PLCXD1: variants seen among roughly 807,000 people sequenced by gnomAD.
The protein encoded by PLCXD1 is phosphatidylinositol specific phospholipase C X domain containing 1.
In PLCXD1, 45 loss-of-function variants were observed where a neutral mutation model predicts 37.8. The observed-to-expected ratio is 1.19, with a 90% CI of 0.94 to 1.53. PLCXD1 has a LOEUF of 1.53. Among genes scored for constraint, PLCXD1 ranks in the 40% most tolerant of loss-of-function variants. The pLI is 0.00. For synonymous variants in PLCXD1, 246 were observed against 206.9 expected (o/e 1.19, Z -1.62); for missense variants, 539 against 454.7 (o/e 1.19, Z -1.69).
At chrX:288,377 G>A (rs2069522731) in intron 2 of PLCXD1, among the ~76,000 whole-genome samples, 1 of 151,430 alleles carries the variant, frequency 6.6e-6, no homozygotes. Context: ...CCCTGGGCTT[G>A]TGGCCGCATC....
chrX:279,338 C>T (rs970230175), upstream of PLCXD1, among the ~76,000 whole-genome samples: 38 of 152,188 alleles, frequency 2.5e-4, no homozygotes, highest in Non-Finnish European at 2.4e-4. Flanking sequence ...GTGCAAGTCA[C>T]AGGGGTGATA....
intron 4 of PLCXD1, among the ~76,000 whole-genome samples, 169 bp downstream of exon 4, chrX:290,945 G>A (rs752010038): frequency 9.3e-6 from 1 of 107,982 alleles, no homozygotes; most frequent in African/African-American, 3.6e-5. Flanking sequence ...AGCGGGAGGC[G>A]GCCGGGCGCT....
At chrX:292,716 G>A (rs2069675664) in intron 5 of PLCXD1, among the ~76,000 whole-genome samples, 1 of 151,906 alleles carries the variant, frequency 6.6e-6, no homozygotes, top group Admixed American at 6.6e-5. Context: ...AGGTTCAAAC[G>A]ATTCTCCTAC....
chrX:293,299 G>A (rs2069698989), intron 6 of PLCXD1, 81 bp downstream of exon 6: 2 of 1,060,566 alleles, frequency 1.9e-6, no homozygotes, highest in Admixed American at 4.3e-5. Context: ...ACATGGACTT[G>A]CCTTCACTTT....
At chrX:280,381 G>T (rs2069240649), upstream of PLCXD1, among the ~76,000 whole-genome samples, 2 of 68,104 alleles carry the variant, frequency 2.9e-5, no homozygotes, top group East Asian at 4.3e-4. Flanking sequence ...GGGAAGGGAG[G>T]CCGTGCAGGG....
intron 3 of PLCXD1, among the ~76,000 whole-genome samples, chrX:289,382 C>T (rs1384759119): frequency 5.9e-5 from 9 of 151,950 alleles, no homozygotes; most frequent in Non-Finnish European, 8.8e-5. Flanking sequence ...CCACCGCGCC[C>T]GGCCCAGCAT....
At position 294,961 on chromosome X, in the gene PLCXD1, A is replaced by G. The variant is rs779593696; in HGVS notation, c.733+1743A>G. Reference sequence around the variant, plus strand: ...GAGGCCGAGGCAGGTGGATTAATTGAGATCAGGAGTTTGCGACCAGTCTGG... The same window carrying G: ...GAGGCCGAGGCAGGTGGATTAATTGGGATCAGGAGTTTGCGACCAGTCTGG... On this transcript the variant is annotated intron_variant, in intron 6 of 6. Transcript: ENST00000381657. Among the ~76,000 whole-genome samples the G allele has an allele frequency of 1.1e-3, 171 of 152,164 alleles. 1 individual carries two copies. The highest frequency in any genetic ancestry group is 1.4e-3 in the Non-Finnish European group (92 of 67,990).
At position 302,890 on chromosome X, in the gene PLCXD1, CAT is replaced by C. The variant is rs1284389642; in HGVS notation, c.*3556_*3557del. ...CGCCCGGCCTATACCTCATTTTCTACATGTCGCTTGTTGGAGCTGCTGGTTCA... is the reference window on the plus strand; with the variant it reads ...CGCCCGGCCTATACCTCATTTTCTACGTCGCTTGTTGGAGCTGCTGGTTCA... On this transcript the variant is annotated 3_prime_UTR_variant, in exon 7 of 7. Coordinates refer to ENST00000381657, the MANE Select transcript of PLCXD1 (RefSeq NM_018390.4). 1 of 152,104 alleles carries C rather than the reference CAT, an allele frequency of 6.6e-6. No homozygotes were observed. Among genetic ancestry groups the C allele is most frequent in the Non-Finnish European group, 1.5e-5 (1 of 68,018 alleles). The allele number at this position is 152,104 out of a possible 1,614,324, so 9.4% of individuals were successfully genotyped here.
At chrX:282,463 G>T (rs1307199714) in intron 1 of PLCXD1, among the ~76,000 whole-genome samples, 3 of 151,924 alleles carry the variant, frequency 2.0e-5, no homozygotes, top group Non-Finnish European at 2.9e-5. Context: ...CCAGCACTTT[G>T]GGAGGCCGAG....
At chrX:296,134 T>C (rs773961216) in intron 6 of PLCXD1, among the ~76,000 whole-genome samples, 22 of 150,510 alleles carry the variant, frequency 1.5e-4, no homozygotes, top group African/African-American at 5.4e-4. Context: ...TTTTGTTTTG[T>C]TTTTGAGACA....
intron 6 of PLCXD1, among the ~76,000 whole-genome samples, 174 bp from the exon 7 acceptor site, chrX:298,923 G>A (rs1569564721): frequency 6.6e-6 from 1 of 152,146 alleles, no homozygotes; most frequent in Non-Finnish European, 1.5e-5. Flanking sequence ...CATCTTTGGG[G>A]TTGTCTACTG....
In PLCXD1 at chrX:299,878, AC is replaced by A. The variant is rs766321706; in HGVS notation, c.*547del. On this transcript the variant is annotated 3_prime_UTR_variant, in exon 7 of 7. Coordinates refer to ENST00000381657, the MANE Select transcript of PLCXD1 (RefSeq NM_018390.4). ...AGACCAGCCTGACCAACATGGTGAA[AC>A]CCCGTCTCTATTAAAAACACAAAAA... The A allele has an allele frequency of 0.53, 81,721 of 154,262 alleles. 21,773 individuals are homozygous for A. The highest frequency in any genetic ancestry group is 0.64 in the Middle Eastern group (185 of 290). The allele number at this position is 154,262 out of a possible 1,614,324, so 9.6% of individuals were successfully genotyped here.
intron 6 of PLCXD1, among the ~76,000 whole-genome samples, chrX:296,035 C>A (rs772262151): frequency 5.9e-5 from 9 of 152,156 alleles, no homozygotes; most frequent in Non-Finnish European, 1.3e-4. Context: ...TGGTCTCGAA[C>A]TCCCGACCTC....
At chrX:279,769 G>C (rs1318815778), upstream of PLCXD1, among the ~76,000 whole-genome samples, 1 of 136,292 alleles carries the variant, frequency 7.3e-6, no homozygotes. Flanking sequence ...GCGAGACCCT[G>C]TCTCTGAAAA....
chrX:303,326 G>A lies in PLCXD1; in HGVS notation c.*3991G>A, dbSNP rs1276305629. ...CAAAATCACCGAATTCATACAGATCGTTTAAATAAATGAACATCATTAAAG... is the reference window on the plus strand; with the variant it reads ...CAAAATCACCGAATTCATACAGATCATTTAAATAAATGAACATCATTAAAG... On this transcript the variant is annotated 3_prime_UTR_variant, in exon 7 of 7. Transcript: ENST00000381657. 3 of 152,126 alleles carry A rather than the reference G, an allele frequency of 2.0e-5. No individual in the cohort carries two copies. Among genetic ancestry groups the A allele is most frequent in the Admixed American group, 1.3e-4 (2 of 15,238 alleles). 9.4% of individuals were successfully genotyped at this position (152,126 alleles called of 1,614,324 possible).
In PLCXD1 at chrX:299,418, T is replaced by C. The variant is rs2069930161; in HGVS notation, c.*83T>C. 5 of 984,242 alleles carry C rather than the reference T, an allele frequency of 5.1e-6. No homozygotes were observed. The highest frequency in any genetic ancestry group is 3.2e-5 in the African/African-American group (2 of 62,808). 61.0% of individuals were successfully genotyped at this position (984,242 alleles called of 1,614,324 possible). A position where few individuals can be genotyped will look rare whatever the true frequency, so the allele number is the denominator to read the frequency against. On this transcript the variant is annotated 3_prime_UTR_variant, in exon 7 of 7. Transcript: ENST00000381657. The stretch of plus-strand genomic sequence containing the variant: ...GTATTGTGACTTTGTTTGGGCCAAA[T>C]GTTGGTGATCATAGGACCGATGATA...
At chrX:276,794 G>C (rs2069165710), upstream of PLCXD1, among the ~76,000 whole-genome samples, 2 of 152,074 alleles carry the variant, frequency 1.3e-5, no homozygotes, top group African/African-American at 4.8e-5. Flanking sequence ...CGGTGGGGAT[G>C]TTGGGGCACT....
chrX:281,259 G>A (rs1050610592), upstream of PLCXD1: 2 of 192,438 alleles, frequency 1.0e-5, no homozygotes, highest in Non-Finnish European at 1.1e-5. Flanking sequence ...CGGTACAGGT[G>A]TGGTTGCTTC....
upstream of PLCXD1, among the ~76,000 whole-genome samples, chrX:280,177 C>T (rs1416233381): frequency 1.3e-5 from 2 of 152,136 alleles, no homozygotes; most frequent in Admixed American, 6.5e-5. Flanking sequence ...TTTTAACCTC[C>T]CCTCCACCCC....
Sources: allele counts gnomAD v4.1 joint callset (sites outside exome capture counted in the v4.1 genomes callset), GRCh38; gene constraint gnomAD v4.1.1; transcripts MANE v1.5; gene names NCBI Gene and HGNC (gene_info 2026-07-23, HGNC 2026-07-21).